The following GRAMD4 variants were observed in gnomAD, a reference collection of about 807,000 sequenced individuals.
The protein encoded by GRAMD4 is GRAM domain containing 4.
GRAMD4 carries 25 observed loss-of-function variants against 83.9 expected under a neutral mutation model. The observed-to-expected ratio is 0.30, with a 90% confidence interval of 0.22 to 0.42. GRAMD4 has a LOEUF of 0.42. Among genes scored for constraint, GRAMD4 ranks in the 10% least tolerant of loss-of-function variants. The pLI is 1.00. For missense variants in GRAMD4, 593 were observed against 788.7 expected, an observed-to-expected ratio of 0.75 and a Z score of 2.97; for synonymous variants, 336 against 320.9, an observed-to-expected ratio of 1.05 and a Z score of -0.50.
At chr22:46,581,600 G>A (rs1435304753) in intron 1 of GRAMD4, among the ~76,000 whole-genome samples, 1 of 152,250 alleles carries the variant, frequency 6.6e-6, no homozygotes, top group Admixed American at 6.5e-5. Context: ...GCAGTAAATA[G>A]CAAGATTCGG....
At chr22:46,680,002 A>G (rs1032408646), downstream of GRAMD4, among the ~76,000 whole-genome samples, 2 of 152,180 alleles carry the variant, frequency 1.3e-5, no homozygotes, top group African/African-American at 4.8e-5. Context: ...GGACGTGGGC[A>G]TTGGAGGCTG....
intron 2 of GRAMD4, among the ~76,000 whole-genome samples, chr22:46,630,920 C>T: frequency 6.7e-6 from 1 of 148,776 alleles, no homozygotes; most frequent in South Asian, 2.1e-4. Context: ...CTCCATAGCT[C>T]CCTCGAGGGC....
intron 13 of GRAMD4, chr22:46,671,179 G>C (rs1052482235): frequency 2.3e-6 from 1 of 443,608 alleles, no homozygotes; most frequent in Non-Finnish European, 4.8e-6. Context: ...GAGGAGGCCT[G>C]GGAGCTCAGT....
intron 2 of GRAMD4, among the ~76,000 whole-genome samples, chr22:46,636,709 C>T (rs2147218046): frequency 6.6e-6 from 1 of 152,370 alleles, no homozygotes. Flanking sequence ...AGGTCCCTGG[C>T]AGGATGCAAC....
rs1397323100 is a variant in GRAMD4 at position 46,662,906 on chromosome 22, C to G, written c.467-134C>G. ...GGGACCCTTCATTTCCCTGACCTAC[C>G]CCCGAGCATTCCTTGTGCCTCTGCT... On this transcript the variant is annotated intron_variant, in intron 5 of 18. Coordinates refer to ENST00000406902, the MANE Select transcript of GRAMD4 (RefSeq NM_015124.5). 11 of 741,810 alleles carry G rather than the reference C, an allele frequency of 1.5e-5. No homozygotes were observed. The East Asian group carries it at 2.7e-4, about 18-fold the overall frequency. 46.0% of individuals were successfully genotyped at this position (741,810 alleles called of 1,614,324 possible).
intron 1 of GRAMD4, among the ~76,000 whole-genome samples, chr22:46,581,122 A>G (rs1266285951): frequency 6.6e-6 from 1 of 152,224 alleles, no homozygotes; most frequent in East Asian, 1.9e-4. Context: ...AGTCCCGTCT[A>G]CAGGGCTACT....
intron 3 of GRAMD4, among the ~76,000 whole-genome samples, chr22:46,643,084 T>G (rs867426863): frequency 7.9e-5 from 6 of 76,326 alleles, no homozygotes; most frequent in Admixed American, 1.5e-4. Flanking sequence ...TCTATCCATT[T>G]ATCCATCCAT....
At chr22:46,626,324 G>A (rs1464113142) in intron 1 of GRAMD4, among the ~76,000 whole-genome samples, 2 of 152,258 alleles carry the variant, frequency 1.3e-5, no homozygotes, top group African/African-American at 4.8e-5. Context: ...GGCATGGCTG[G>A]CCCTCCTTCC....
chr22:46,665,096 A>G (rs141035802), intron 8 of GRAMD4, among the ~76,000 whole-genome samples: 22 of 152,296 alleles, frequency 1.4e-4, no homozygotes, highest in African/African-American at 5.1e-4. Context: ...CTCCTGTGCC[A>G]TGTCTGTTGT....
chr22:46,655,331 C>T (rs538355565), intron 3 of GRAMD4, among the ~76,000 whole-genome samples: 13 of 152,170 alleles, frequency 8.5e-5, no homozygotes, highest in Admixed American at 5.2e-4. Context: ...ATTGCCAGCC[C>T]GGTGAGGAGT....
intron 1 of GRAMD4, among the ~76,000 whole-genome samples, chr22:46,581,031 C>A (rs1044503780): frequency 3.3e-5 from 5 of 152,004 alleles, no homozygotes; most frequent in Non-Finnish European, 7.4e-5. Flanking sequence ...TGGAGAAAGC[C>A]CTGTTGTTTT....
intron 1 of GRAMD4, among the ~76,000 whole-genome samples, chr22:46,599,954 T>C (rs2081296829): frequency 6.6e-6 from 1 of 152,160 alleles, no homozygotes. Flanking sequence ...GGCGGCACCT[T>C]CTCCCTGTAG....
At chr22:46,625,903 A>G (rs1469023990) in intron 1 of GRAMD4, among the ~76,000 whole-genome samples, 1 of 152,226 alleles carries the variant, frequency 6.6e-6, no homozygotes. Flanking sequence ...GTCCTGATGC[A>G]GCACACAGTG....
chr22:46,656,286 AC>A (rs1355077418), intron 3 of GRAMD4, among the ~76,000 whole-genome samples: 2 of 152,100 alleles, frequency 1.3e-5, no homozygotes, highest in Non-Finnish European at 2.9e-5. Flanking sequence ...AGCATCCAGC[AC>A]CCCCAGTGGG....
chr22:46,665,190 C>T (rs951923239), intron 8 of GRAMD4, among the ~76,000 whole-genome samples: 1 of 152,248 alleles, frequency 6.6e-6, no homozygotes, highest in African/African-American at 2.4e-5. Flanking sequence ...CTCTGCGTCC[C>T]GGGCTCTGTG....
upstream of GRAMD4, among the ~76,000 whole-genome samples, chr22:46,617,872 C>A (rs1467826375): frequency 6.6e-6 from 1 of 152,224 alleles, no homozygotes; most frequent in Non-Finnish European, 1.5e-5. Context: ...AGATACTTTG[C>A]CAAGGGAAGG....
intron 10 of GRAMD4, among the ~76,000 whole-genome samples, 187 bp from the exon 11 acceptor site, chr22:46,667,909 G>A (rs1264679350): frequency 1.3e-5 from 2 of 152,204 alleles, no homozygotes; most frequent in South Asian, 4.1e-4. Context: ...GGGGCACGGG[G>A]TGAGATGTCA....
At chr22:46,675,583 C>T in intron 17 of GRAMD4, 31 bp downstream of exon 17, 1 of 1,392,554 alleles carries the variant, frequency 7.2e-7, no homozygotes, top group Non-Finnish European at 1.0e-6. Context: ...CCACTAACCC[C>T]CGTGTTTTCT....
Position 46,673,826 on chromosome 22 carries a change from G to GT in GRAMD4, c.1384+13dup, listed in dbSNP as rs776614742. ...GCGTCCGCTGGCGGGTATGTGTGCC[G>GT]TGAGTCTGAGGCCAGGCCGAGCGCC... On this transcript the variant is annotated intron_variant, in intron 15 of 18. Transcript: ENST00000406902. 6.1e-5 allele frequency: 99 copies of GT among 1,612,360 alleles called. No individual in the cohort carries two copies. Among genetic ancestry groups the GT allele is most frequent in the Admixed American group, 3.7e-4 (22 of 60,026 alleles).
Sources: gnomAD v4.1 joint callset for allele counts (sites outside exome capture counted in the v4.1 genomes callset) on GRCh38, gnomAD v4.1.1 for gene constraint, MANE v1.5 for transcripts, NCBI Gene and HGNC (gene_info 2026-07-23, HGNC 2026-07-21) for gene names.